The following MTSS1 variants were observed in gnomAD, a reference collection of about 807,000 sequenced individuals.
MTSS1 encodes protein MTSS 1.
MTSS1 carries 18 observed loss-of-function variants against 79.0 expected under a neutral mutation model. The ratio of observed to expected loss-of-function variants is 0.23; its 90% CI spans 0.16 to 0.34. The LOEUF is 0.34. MTSS1 is among the 10% of genes least tolerant of loss of function. The probability of loss-of-function intolerance (pLI) is 1.00; values close to 1 mark genes in which losing one functional copy is unlikely to be tolerated. For missense variants in MTSS1, 815 were observed against 986.2 expected (o/e 0.83, Z 2.33); for synonymous variants, 341 against 368.6 (o/e 0.93, Z 0.86).
rs1822730913 is a variant in MTSS1 at position 124,552,771 on chromosome 8, CAGAA to C, written c.*217_*220del. On this transcript the variant is annotated 3_prime_UTR_variant, in exon 14 of 14. Coordinates refer to ENST00000518547, the MANE Select transcript of MTSS1 (RefSeq NM_014751.6). ...AAAGGGAAACTAAGATTAAAATGTGCAGAAAGAAAATTGTCAATATTTACAAATT... is the reference window on the plus strand; with the variant it reads ...AAAGGGAAACTAAGATTAAAATGTGCAGAAAATTGTCAATATTTACAAATT... The C allele has an allele frequency of 2.1e-6, 1 of 477,456 alleles. No homozygotes were observed. 29.6% of individuals were successfully genotyped at this position (477,456 alleles called of 1,614,324 possible). A position where few individuals can be genotyped will look rare whatever the true frequency, so the allele number is the denominator to read the frequency against.
intron 3 of MTSS1, among the ~76,000 whole-genome samples, chr8:124,640,980 C>A (rs543657467): frequency 6.6e-6 from 1 of 151,886 alleles, no homozygotes; most frequent in African/African-American, 2.4e-5. Context: ...TTCAAAAAAA[C>A]GAGTTCTCTT....
intron 3 of MTSS1, among the ~76,000 whole-genome samples, chr8:124,613,889 T>C (rs765496362): frequency 1.3e-5 from 2 of 152,136 alleles, no homozygotes; most frequent in South Asian, 2.1e-4. Context: ...AGGGATATGG[T>C]TGGGCACAGT....
intron 7 of MTSS1, 199 bp downstream of exon 7, chr8:124,568,180 C>T: frequency 1.4e-6 from 1 of 703,268 alleles, no homozygotes; most frequent in Non-Finnish European, 2.2e-6. Flanking sequence ...TAACGGGGAA[C>T]AAGTGGTACT....
chr8:124,576,717 G>T (rs1829027437), intron 6 of MTSS1, among the ~76,000 whole-genome samples: 1 of 152,168 alleles, frequency 6.6e-6, no homozygotes, highest in South Asian at 2.1e-4. Flanking sequence ...ACCATAAATG[G>T]CTGATGGGTT....
intron 3 of MTSS1, among the ~76,000 whole-genome samples, chr8:124,634,684 AT>A (rs1426332610): frequency 6.7e-6 from 1 of 148,732 alleles, no homozygotes; most frequent in Non-Finnish European, 1.5e-5. Context: ...TGATCTAAAT[AT>A]TTTTCCCTCT....
rs1021771747 is a variant in MTSS1 at position 124,714,602 on chromosome 8, C to A, written c.73-10411G>T. Among the ~76,000 whole-genome samples the A allele has an allele frequency of 2.6e-5, 4 of 152,206 alleles. No homozygotes were observed. The South Asian group carries it at 8.3e-4, about 32-fold the overall frequency. ...CCCAGCCTCTGTGTAGCTGGGACTA[C>A]AGGAGTGTGCCATCATGTTCAGCTA... is the stretch of plus-strand genomic sequence containing the variant. On this transcript the variant is annotated intron_variant, in intron 1 of 13. Coordinates refer to ENST00000518547, the MANE Select transcript of MTSS1 (RefSeq NM_014751.6).
chr8:124,696,359 C>G (rs947643047), intron 3 of MTSS1, among the ~76,000 whole-genome samples: 1 of 152,084 alleles, frequency 6.6e-6, no homozygotes, highest in African/African-American at 2.4e-5. Context: ...TAATAAAAGT[C>G]ACTTCTGACA....
At position 124,585,088 on chromosome 8, in the gene MTSS1, T is replaced by C; in HGVS notation, c.459A>G (p.Lys153=). The C allele has an allele frequency of 6.2e-7, 1 of 1,609,024 alleles. No homozygotes were observed. Among genetic ancestry groups the C allele is most frequent in the Non-Finnish European group, 8.5e-7 (1 of 1,177,142 alleles). ...CAGTGGCAGAATTTTAGGAGTTACC[T>C]TTTTTTGCTTTCTTCTGCAGTTTCA... The part of the protein sequence containing the change: ...DTLKLQKKAK[K]GRGDIQPQLD... Residue 153 remains lysine, a splice_region_variant and synonymous_variant, in exon 6 of 14, where the codon AAA becomes AAG. Coordinates refer to ENST00000518547, the MANE Select transcript of MTSS1 (RefSeq NM_014751.6).
intron 12 of MTSS1, 37 bp from the exon 13 acceptor site, chr8:124,555,941 AGG>A (rs3841189): frequency 0.36 from 518,945 of 1,422,342 alleles, 87,908 homozygotes; most frequent in South Asian, 0.39. Context: ...AGGTTGCTTT[AGG>A]GGGGGGGCTC....
chr8:124,708,072 T>A (rs1313537629), intron 1 of MTSS1, among the ~76,000 whole-genome samples: 1 of 152,140 alleles, frequency 6.6e-6, no homozygotes, highest in Non-Finnish European at 1.5e-5. Flanking sequence ...TCCATCACCA[T>A]TACCAATACC....
chr8:124,573,890 C>T (rs77803065), intron 6 of MTSS1, among the ~76,000 whole-genome samples: 12 of 152,328 alleles, frequency 7.9e-5, no homozygotes, highest in Non-Finnish European at 1.2e-4. Flanking sequence ...CTTATCCCCC[C>T]ACCCCAGGGG....
At chr8:124,697,222 T>C (rs1196383256) in intron 3 of MTSS1, among the ~76,000 whole-genome samples, 1 of 150,670 alleles carries the variant, frequency 6.6e-6, no homozygotes, top group Admixed American at 6.6e-5. Flanking sequence ...CAATGCCAGA[T>C]ATCTAAGTTC....
intron 3 of MTSS1, among the ~76,000 whole-genome samples, chr8:124,646,567 G>A (rs1819031051): frequency 6.6e-6 from 1 of 152,072 alleles, no homozygotes; most frequent in African/African-American, 2.4e-5. Context: ...AAGATCCCTA[G>A]AAACTTAAAC....
chr8:124,608,015 T>C (rs1248482146), intron 3 of MTSS1, among the ~76,000 whole-genome samples: 5 of 152,050 alleles, frequency 3.3e-5, no homozygotes, highest in Admixed American at 2.0e-4. Context: ...GAAGATAAAA[T>C]GTGTATTCCC....
At chr8:124,578,307 C>G (rs550765710) in intron 6 of MTSS1, among the ~76,000 whole-genome samples, 5 of 152,286 alleles carry the variant, frequency 3.3e-5, no homozygotes, top group African/African-American at 1.2e-4. Flanking sequence ...GTCTACCCTT[C>G]ACCACTGTTG....
chr8:124,625,437 A>G (rs1814470332), intron 3 of MTSS1, among the ~76,000 whole-genome samples: 1 of 152,244 alleles, frequency 6.6e-6, no homozygotes, highest in Non-Finnish European at 1.5e-5. Context: ...AGGCAGAATT[A>G]CAGTCCAGGG....
intron 3 of MTSS1, among the ~76,000 whole-genome samples, chr8:124,640,987 T>C (rs1352389566): frequency 6.6e-6 from 1 of 152,182 alleles, no homozygotes; most frequent in African/African-American, 2.4e-5. Context: ...AAACGAGTTC[T>C]CTTTTCACAC....
chr8:124,713,581 G>A (rs754735316), intron 1 of MTSS1, among the ~76,000 whole-genome samples: 5 of 151,286 alleles, frequency 3.3e-5, no homozygotes, highest in Non-Finnish European at 7.4e-5. Flanking sequence ...GCACCACCAC[G>A]TCTGGCTAAT....
chr8:124,592,655 A>G (rs1475224231), intron 3 of MTSS1, among the ~76,000 whole-genome samples: 1 of 152,164 alleles, frequency 6.6e-6, no homozygotes, highest in Non-Finnish European at 1.5e-5. Context: ...TGACATATAT[A>G]TCGTATATTA....
Sources: gnomAD v4.1 joint callset for allele counts (sites outside exome capture counted in the v4.1 genomes callset) on GRCh38, gnomAD v4.1.1 for gene constraint, MANE v1.5 for transcripts, NCBI Gene and HGNC (gene_info 2026-07-23, HGNC 2026-07-21) for gene names.